Variants in KCNB2 observed in about 807,000 individuals in gnomAD.
KCNB2 encodes the protein potassium voltage-gated channel subfamily B member 2, also known as delayed rectifier potassium channel protein.
A neutral mutation model predicts 61.5 loss-of-function variants in KCNB2; 15 were observed. That is an observed-to-expected ratio of 0.24 (90% CI 0.16 to 0.38). KCNB2 has a LOEUF of 0.38. Ranked by LOEUF, KCNB2 falls within the 10% of genes least tolerant of loss-of-function variation. The pLI, the probability that KCNB2 is intolerant of heterozygous loss-of-function variation, is 1.00. For missense variants in KCNB2, 828 were observed against 1,125.2 expected (o/e 0.74, Z 3.78); for synonymous variants, 457 against 446.0 (o/e 1.02, Z -0.31).
At chr8:72,663,338 C>T (rs1421350764) in intron 2 of KCNB2, among the ~76,000 whole-genome samples, 1 of 152,110 alleles carries the variant, frequency 6.6e-6, no homozygotes, top group Non-Finnish European at 1.5e-5. Context: ...TGGATGTCAT[C>T]AGAGAATAGT....
chr8:72,829,222 G>A (rs1307746991), intron 2 of KCNB2, among the ~76,000 whole-genome samples: 1 of 152,102 alleles, frequency 6.6e-6, no homozygotes, highest in African/African-American at 2.4e-5. Flanking sequence ...TATGATTCCT[G>A]AAGACACTGT....
chr8:72,781,895 A>C (rs1808763003), intron 2 of KCNB2, among the ~76,000 whole-genome samples: 2 of 152,088 alleles, frequency 1.3e-5, no homozygotes, highest in African/African-American at 4.8e-5. Context: ...CTCGCTTATA[A>C]GTGGGAGCTG....
intron 2 of KCNB2, among the ~76,000 whole-genome samples, chr8:72,683,608 A>G (rs1047129851): frequency 3.3e-5 from 5 of 152,168 alleles, no homozygotes; most frequent in Non-Finnish European, 5.9e-5. Context: ...TCAGGAACCC[A>G]TCACTTGGTC....
intron 2 of KCNB2, among the ~76,000 whole-genome samples, chr8:72,829,088 A>G (rs910344123): frequency 6.6e-6 from 1 of 152,182 alleles, no homozygotes; most frequent in Non-Finnish European, 1.5e-5. Context: ...GATTCTAAAT[A>G]TCTGCCCCCA....
At chr8:72,650,854 T>C (rs1220120280) in intron 2 of KCNB2, among the ~76,000 whole-genome samples, 1 of 152,158 alleles carries the variant, frequency 6.6e-6, no homozygotes, top group Non-Finnish European at 1.5e-5. Context: ...TAGATGTTGA[T>C]AGAGGTCCCC....
At chr8:72,719,236 A>G (rs1226528092) in intron 2 of KCNB2, among the ~76,000 whole-genome samples, 1 of 152,244 alleles carries the variant, frequency 6.6e-6, no homozygotes, top group East Asian at 1.9e-4. Context: ...CACATAACCC[A>G]TGGTATTAGC....
At chr8:72,846,793 C>CA (rs1810002206) in intron 2 of KCNB2, among the ~76,000 whole-genome samples, 1 of 152,000 alleles carries the variant, frequency 6.6e-6, no homozygotes, top group Non-Finnish European at 1.5e-5. Flanking sequence ...AATAGGAATG[C>CA]TTTTACACTG....
At chr8:72,597,926 C>A (rs1807225174) in intron 2 of KCNB2, among the ~76,000 whole-genome samples, 1 of 152,122 alleles carries the variant, frequency 6.6e-6, no homozygotes, top group Admixed American at 6.5e-5. Context: ...GTAGTAATTC[C>A]TCAAAGACCT....
At position 72,795,845 on chromosome 8, in the gene KCNB2, C is replaced by T. The variant is rs527966906; in HGVS notation, c.580-140090C>T. On this transcript the variant is annotated intron_variant, in intron 2 of 2. Coordinates refer to ENST00000523207, the MANE Select transcript of KCNB2 (RefSeq NM_004770.3). ...TATTCCTGTTATTCTTCATACAGCA[C>T]GCAAACAAGCAAGCATCCCTCTCAG... 2.6e-5 allele frequency among the ~76,000 whole-genome samples: 4 copies of T among 152,202 alleles called. No individual in the cohort carries two copies. The South Asian group carries it at 8.3e-4, about 32-fold the overall frequency.
intron 2 of KCNB2, among the ~76,000 whole-genome samples, chr8:72,888,767 G>A (rs1202937081): frequency 1.3e-5 from 2 of 152,126 alleles, no homozygotes; most frequent in African/African-American, 4.8e-5. Context: ...CAGTAGAGGG[G>A]AACATAAGCC....
At chr8:72,736,322 A>G (rs1467853852) in intron 2 of KCNB2, among the ~76,000 whole-genome samples, 1 of 152,118 alleles carries the variant, frequency 6.6e-6, no homozygotes, top group East Asian at 1.9e-4. Flanking sequence ...ATGTTTGGAT[A>G]TGAGGTTGTG....
At chr8:72,719,740 T>G (rs1807515835) in intron 2 of KCNB2, among the ~76,000 whole-genome samples, 1 of 152,040 alleles carries the variant, frequency 6.6e-6, no homozygotes, top group African/African-American at 2.4e-5. Context: ...GGAGTGGCAT[T>G]TGGCACTTGC....
chr8:72,900,843 A>G (rs1243762431), intron 2 of KCNB2, among the ~76,000 whole-genome samples: 2 of 152,092 alleles, frequency 1.3e-5, no homozygotes, highest in East Asian at 3.9e-4. Flanking sequence ...TCAAATATTA[A>G]CCAATATTAG....
intron 2 of KCNB2, among the ~76,000 whole-genome samples, chr8:72,617,682 A>G (rs1004372872): frequency 4.0e-5 from 6 of 151,506 alleles, no homozygotes; most frequent in Non-Finnish European, 7.4e-5. Flanking sequence ...TTCAGTCACT[A>G]TTTCACTGCT....
chr8:72,749,244 G>A (rs1808141943), intron 2 of KCNB2: 1 of 152,088 alleles, frequency 6.6e-6, no homozygotes, highest in Admixed American at 6.6e-5. Context: ...TCACCCTCCA[G>A]AGTAGCTGGG....
chr8:72,578,470 G>A (rs563978474), intron 2 of KCNB2, among the ~76,000 whole-genome samples: 1 of 152,154 alleles, frequency 6.6e-6, no homozygotes, highest in Non-Finnish European at 1.5e-5. Context: ...TTCTGCAGGT[G>A]TGAAAATTAT....
chr8:72,914,405 C>T (rs1782859010), intron 2 of KCNB2, among the ~76,000 whole-genome samples: 1 of 152,144 alleles, frequency 6.6e-6, no homozygotes, highest in South Asian at 2.1e-4. Context: ...TTAGTTAAAA[C>T]ACTTTGGATT....
At chr8:72,898,385 A>G (rs1225321570) in intron 2 of KCNB2, among the ~76,000 whole-genome samples, 1 of 152,118 alleles carries the variant, frequency 6.6e-6, no homozygotes, top group Non-Finnish European at 1.5e-5. Context: ...TGGCACATGT[A>G]TACGTATGTA....
chr8:72,677,753 A>G (rs940609617), intron 2 of KCNB2, among the ~76,000 whole-genome samples: 2 of 152,120 alleles, frequency 1.3e-5, no homozygotes, highest in African/African-American at 4.8e-5. Context: ...TGCTGCCCTT[A>G]AACATTTGTA....
Sources: allele counts gnomAD v4.1 joint callset (sites outside exome capture counted in the v4.1 genomes callset), GRCh38; gene constraint gnomAD v4.1.1; transcripts MANE v1.5; gene names NCBI Gene and HGNC (gene_info 2026-07-23, HGNC 2026-07-21).